The following ZNF438 variants were observed in gnomAD, a reference collection of about 807,000 sequenced individuals.
ZNF438 encodes zinc finger protein 438.
A neutral mutation model predicts 38.0 loss-of-function variants in ZNF438; 25 were observed. The ratio of observed to expected loss-of-function variants is 0.66; its 90% CI spans 0.48 to 0.92. The LOEUF is 0.92. Ranked by LOEUF, ZNF438 falls within the 40% of genes least tolerant of loss-of-function variation. The probability of loss-of-function intolerance (pLI) is 0.00; values close to 1 mark genes in which losing one functional copy is unlikely to be tolerated. For synonymous variants in ZNF438, 372 were observed against 364.1 expected (o/e 1.02, Z -0.25); for missense variants, 1,007 against 999.6 (o/e 1.01, Z -0.10).
chr10:30,910,491 G>A (rs979027716), intron 2 of ZNF438: 2 of 151,680 alleles, frequency 1.3e-5, no homozygotes, highest in African/African-American at 2.4e-5. Flanking sequence ...AAAAAAATGC[G>A]AACACTTCAA....
intron 1 of ZNF438, among the ~76,000 whole-genome samples, chr10:30,969,076 G>C (rs746115820): frequency 6.6e-6 from 1 of 152,048 alleles, no homozygotes; most frequent in Non-Finnish European, 1.5e-5. Flanking sequence ...GGAATTTCAT[G>C]GGTCACTTGG....
intron 3 of ZNF438, among the ~76,000 whole-genome samples, chr10:30,880,020 C>T (rs1292138567): frequency 1.3e-5 from 2 of 151,940 alleles, no homozygotes; most frequent in Non-Finnish European, 2.9e-5. Context: ...TATATCATTG[C>T]CAAACTGCTC....
intron 4 of ZNF438, among the ~76,000 whole-genome samples, chr10:30,870,530 A>G (rs530936604): frequency 1.3e-5 from 2 of 152,112 alleles, no homozygotes; most frequent in African/African-American, 2.4e-5. Flanking sequence ...CTAACACAAG[A>G]GAACTGGGAT....
At chr10:30,949,516 C>T (rs1010775929) in intron 1 of ZNF438, among the ~76,000 whole-genome samples, 4 of 152,170 alleles carry the variant, frequency 2.6e-5, no homozygotes, top group Non-Finnish European at 5.9e-5. Flanking sequence ...ATCTCATGTG[C>T]AGAGACACAT....
At chr10:30,886,532 C>T (rs898353575) in intron 3 of ZNF438, among the ~76,000 whole-genome samples, 8 of 152,170 alleles carry the variant, frequency 5.3e-5, no homozygotes, top group Admixed American at 2.0e-4. Flanking sequence ...TACCAAACGT[C>T]GTAACTTAGC....
intron 4 of ZNF438, among the ~76,000 whole-genome samples, chr10:30,872,828 T>C (rs2037701496): frequency 6.6e-6 from 1 of 150,820 alleles, no homozygotes. Context: ...TCCTGACCAA[T>C]GAACAATGAG....
chr10:31,030,198 C>T (rs1000158216), intron 1 of ZNF438, among the ~76,000 whole-genome samples: 3 of 152,116 alleles, frequency 2.0e-5, no homozygotes, highest in Non-Finnish European at 4.4e-5. Flanking sequence ...TTCAAGTGTC[C>T]CTGCCTTTGA....
intron 3 of ZNF438, among the ~76,000 whole-genome samples, chr10:30,895,965 G>T (rs1176433896): frequency 6.6e-6 from 1 of 152,122 alleles, no homozygotes; most frequent in Non-Finnish European, 1.5e-5. Flanking sequence ...ATTAAAAATA[G>T]AATTACCATA....
exon 5 of ZNF438, chr10:30,848,811 T>G: frequency 1.2e-6 from 2 of 1,614,222 alleles, no homozygotes; most frequent in Non-Finnish European, 1.7e-6. Context: ...TAAGGGCGTC[T>G]GTTGGTGTGT....
intron 1 of ZNF438, among the ~76,000 whole-genome samples, chr10:30,972,126 C>T (rs887992591): frequency 6.9e-5 from 9 of 130,606 alleles, no homozygotes; most frequent in South Asian, 5.1e-4. Context: ...CCCACCACCA[C>T]GCCTGGCTAA....
intron 2 of ZNF438, among the ~76,000 whole-genome samples, chr10:30,929,574 T>C (rs544051009): frequency 3.9e-4 from 59 of 152,312 alleles, no homozygotes; most frequent in African/African-American, 9.9e-4. Flanking sequence ...AACAAAGCTT[T>C]CACAAACAAA....
chr10:30,997,932 G>C (rs1204515238), intron 1 of ZNF438, among the ~76,000 whole-genome samples: 1 of 152,140 alleles, frequency 6.6e-6, no homozygotes, highest in Non-Finnish European at 1.5e-5. Flanking sequence ...CTGATGATAA[G>C]AGTTAGCTGC....
intron 1 of ZNF438, among the ~76,000 whole-genome samples, chr10:31,012,605 G>A (rs2055815052): frequency 6.6e-6 from 1 of 152,136 alleles, no homozygotes; most frequent in Non-Finnish European, 1.5e-5. Context: ...ACAGTGTCTA[G>A]AAGATAAATG....
In ZNF438 at chr10:30,850,100, G is replaced by C. The variant is rs200104373; in HGVS notation, c.305C>G (p.Ser102Ter). The C allele has an allele frequency of 2.5e-5, 40 of 1,614,150 alleles. No individual in the cohort carries two copies. The highest frequency in any genetic ancestry group is 5.0e-5 in the Admixed American group (3 of 60,028). The change falls in exon 5 of 6, where the codon TCA becomes TGA. Residue 102 changes from serine (S) to a stop codon, truncating the protein, a stop_gained. Coordinates refer to ENST00000413025, the Ensembl canonical transcript of ZNF438. LOFTEE classifies it high-confidence loss of function. ...TCTGGGTTTCTGAATTGGCTGAGCTGAGGCAACATGTGGCAGAGCAACAAG... is the reference window on the plus strand; with the variant it reads ...TCTGGGTTTCTGAATTGGCTGAGCTCAGGCAACATGTGGCAGAGCAACAAG...
At chr10:30,858,736 G>C (rs958159163) in intron 4 of ZNF438, among the ~76,000 whole-genome samples, 2 of 152,150 alleles carry the variant, frequency 1.3e-5, no homozygotes, top group African/African-American at 4.8e-5. Flanking sequence ...TGGAGATCTT[G>C]TATCCTGAAT....
chr10:30,971,647 CT>C (rs1045754467), intron 1 of ZNF438, among the ~76,000 whole-genome samples: 3 of 152,074 alleles, frequency 2.0e-5, no homozygotes, highest in South Asian at 4.2e-4. Flanking sequence ...AAAAAGTTTA[CT>C]TTTTTTATAG....
At position 30,878,842 on chromosome 10, in the gene ZNF438, C is replaced by T. The variant is rs899347527; in HGVS notation, c.-31-1777G>A. Among the ~76,000 whole-genome samples, 6 of 152,134 alleles carry T rather than the reference C, an allele frequency of 3.9e-5. No individual in the cohort carries two copies. In the South Asian group the frequency reaches 1.2e-3, roughly 31 times the overall value. Reference sequence around the variant, plus strand: ...TCGCTTGCTCACGTGCTCCCTCCTGCAAGGGGTTGAGTGTGGCAGGCTGAG... The same window carrying T: ...TCGCTTGCTCACGTGCTCCCTCCTGTAAGGGGTTGAGTGTGGCAGGCTGAG... On this transcript the variant is annotated intron_variant, in intron 3 of 5. Coordinates refer to ENST00000413025, the Ensembl canonical transcript of ZNF438.
intron 4 of ZNF438, among the ~76,000 whole-genome samples, chr10:30,850,650 C>T (rs1369580913): frequency 6.6e-6 from 1 of 152,224 alleles, no homozygotes; most frequent in Non-Finnish European, 1.5e-5. Flanking sequence ...CTAGTCAACA[C>T]TGCTTGACAG....
At chr10:30,872,327 G>C (rs193137611) in intron 4 of ZNF438, among the ~76,000 whole-genome samples, 6 of 150,654 alleles carry the variant, frequency 4.0e-5, no homozygotes, top group Non-Finnish European at 8.9e-5. Flanking sequence ...TCGGGAGGCT[G>C]AGGCAGAAGA....
Sources: allele counts gnomAD v4.1 joint callset (sites outside exome capture counted in the v4.1 genomes callset), GRCh38; gene constraint gnomAD v4.1.1; transcripts MANE v1.5; gene names NCBI Gene and HGNC (gene_info 2026-07-23, HGNC 2026-07-21).